The following ASAH2 variants were observed in gnomAD, a reference collection of about 807,000 sequenced individuals.
The protein encoded by ASAH2 is N-acylsphingosine amidohydrolase 2.
In ASAH2, 58 loss-of-function variants were observed where a neutral mutation model predicts 82.9. The ratio of observed to expected loss-of-function variants is 0.70; its 90% CI spans 0.57 to 0.87. The LOEUF is 0.87. Ranked by LOEUF, ASAH2 falls within the 40% of genes least tolerant of loss-of-function variation. ASAH2 has a pLI of 0.00. For missense variants in ASAH2, 779 were observed against 834.0 expected, an observed-to-expected ratio of 0.93 and a Z score of 0.81; for synonymous variants, 276 against 289.7, an observed-to-expected ratio of 0.95 and a Z score of 0.48.
At chr10:50,234,881 T>A (rs1053922791) in intron 5 of ASAH2, among the ~76,000 whole-genome samples, 1 of 152,142 alleles carries the variant, frequency 6.6e-6, no homozygotes, top group Non-Finnish European at 1.5e-5. Context: ...AATGGGAGAC[T>A]TGACTCCTAC....
At chr10:50,195,299 A>C (rs1844948379) in intron 18 of ASAH2, among the ~76,000 whole-genome samples, 1 of 151,484 alleles carries the variant, frequency 6.6e-6, no homozygotes, top group African/African-American at 2.4e-5. Context: ...TTAAATGTTC[A>C]ATATCAGTGA....
intron 17 of ASAH2, 52 bp downstream of exon 17, chr10:50,198,999 C>G (rs1845066407): frequency 3.5e-6 from 5 of 1,426,068 alleles, no homozygotes; most frequent in East Asian, 2.9e-5. Flanking sequence ...CATACACACA[C>G]ACACACACAC....
chr10:50,245,274 T>C lies in ASAH2; in HGVS notation c.308A>G (p.His103Arg). The C allele has an allele frequency of 6.2e-7, 1 of 1,614,006 alleles. No individual in the cohort carries two copies. Among genetic ancestry groups the C allele is most frequent in the East Asian group, 2.2e-5 (1 of 44,902 alleles). ...GCAGTCAGCTCGTCCAACACCAATA[T>C]GGTAGCCACTGAAGTTCTGAAATAG... ...SPLFQNFSGY[H>R]IGVGRADCTG... Residue 103 changes from histidine to arginine, a missense_variant, in exon 3 of 21, where the codon CAT becomes CGT. By Grantham distance (29) the His-to-Arg change is conservative (BLOSUM62 0). Transcript: ENST00000682911.
rs1434090144 is a variant in ASAH2, at chr10:50,187,128, A to C, written c.*187T>G. ...CTCTCTCTCTCTCTCTCACACACAC[A>C]CACACACACACACACACACACACAC... On this transcript the variant is annotated 3_prime_UTR_variant, in exon 21 of 21. Coordinates refer to ENST00000682911, the MANE Select transcript of ASAH2 (RefSeq NM_019893.4). 5.9e-6 allele frequency: 1 copy of C among 169,452 alleles called. No individual in the cohort carries two copies. Among genetic ancestry groups the C allele is most frequent in the Non-Finnish European group, 1.3e-5 (1 of 79,896 alleles). The allele number at this position is 169,452 out of a possible 1,614,324, so 10.5% of individuals were successfully genotyped here.
intron 1 of ASAH2, among the ~76,000 whole-genome samples, chr10:50,250,852 C>T (rs1481216873): frequency 6.6e-6 from 1 of 152,182 alleles, no homozygotes; most frequent in Non-Finnish European, 1.5e-5. Context: ...ATTAGTGTTT[C>T]CACCTATTAC....
chr10:50,245,657 C>A (rs7091001), intron 2 of ASAH2, among the ~76,000 whole-genome samples: 33,268 of 152,026 alleles, frequency 0.22, 5,568 homozygotes, highest in African/African-American at 0.45. Context: ...TTCAGACTAA[C>A]AATCAAGGCC....
At chr10:50,197,346 C>A (rs1177425488) in intron 17 of ASAH2, among the ~76,000 whole-genome samples, 1 of 151,308 alleles carries the variant, frequency 6.6e-6, no homozygotes, top group Admixed American at 6.6e-5. Context: ...TTCCTAGATT[C>A]TTGTCTGTGC....
Position 50,187,099 on chromosome 10 carries a change from C to CTT in ASAH2, c.*215_*216insAA, listed in dbSNP as rs1844765696. 9.5e-6 allele frequency: 3 copies of CTT among 314,456 alleles called. No homozygotes were observed. In the East Asian group the frequency reaches 1.8e-4, roughly 19 times the overall value. The allele number at this position is 314,456 out of a possible 1,614,324, so 19.5% of individuals were successfully genotyped here. On this transcript the variant is annotated 3_prime_UTR_variant, in exon 21 of 21. Coordinates refer to ENST00000682911, the MANE Select transcript of ASAH2 (RefSeq NM_019893.4). ...ATGGGACAAACCTCTCTCTCTCTCT[C>CTT]TCTCTCTCTCTCTCTCTCTCACACA...
At chr10:50,229,128 C>T (rs1442471122) in intron 7 of ASAH2, among the ~76,000 whole-genome samples, 1 of 151,870 alleles carries the variant, frequency 6.6e-6, no homozygotes, top group African/African-American at 2.4e-5. Context: ...TTGCTTTCTC[C>T]CTTCATGTTT....
At chr10:50,251,317 C>A (rs1846607590) in intron 1 of ASAH2, among the ~76,000 whole-genome samples, 78 bp downstream of exon 1, 1 of 150,252 alleles carries the variant, frequency 6.7e-6, no homozygotes, top group African/African-American at 2.4e-5. Flanking sequence ...TTTAGGGTCT[C>A]TTCAAGATCT....
intron 4 of ASAH2, among the ~76,000 whole-genome samples, chr10:50,241,080 G>C (rs73320289): frequency 6.6e-6 from 1 of 152,156 alleles, no homozygotes; most frequent in Admixed American, 6.5e-5. Context: ...AGGATAGGAA[G>C]AGTGAGGAAC....
intron 16 of ASAH2, among the ~76,000 whole-genome samples, chr10:50,200,593 C>A (rs1201940573): frequency 9.9e-5 from 15 of 152,020 alleles, no homozygotes; most frequent in Admixed American, 5.9e-4. Context: ...ATTTTTATAA[C>A]ACCTTGTGCA....
At chr10:50,226,980 A>T (rs1276557622) in intron 7 of ASAH2, among the ~76,000 whole-genome samples, 1 of 152,182 alleles carries the variant, frequency 6.6e-6, no homozygotes, top group Non-Finnish European at 1.5e-5. Context: ...AATAGCTATC[A>T]ATCCAAAAAA....
chr10:50,237,296 A>G (rs1426310670), intron 4 of ASAH2, among the ~76,000 whole-genome samples: 2 of 152,168 alleles, frequency 1.3e-5, no homozygotes, highest in East Asian at 3.8e-4. Flanking sequence ...GAGAAGCCTA[A>G]GTGGATAGGA....
In ASAH2 at chr10:50,234,655, T is replaced by A. The variant is rs2067904461; in HGVS notation, c.688-103A>T. On this transcript the variant is annotated intron_variant, in intron 5 of 20. Transcript: ENST00000682911. ...AGAGCCCTGTGAACAATTTCCTTTG[T>A]CTCTAATGGGTCCACATTACGGGAT... 2.7e-6 allele frequency: 4 copies of A among 1,499,138 alleles called. No individual in the cohort carries two copies. In the South Asian group the frequency reaches 4.6e-5, roughly 17 times the overall value. 92.9% of individuals were successfully genotyped at this position (1,499,138 alleles called of 1,614,324 possible).
intron 14 of ASAH2, 85 bp from the exon 15 acceptor site, chr10:50,203,764 A>G: frequency 8.8e-7 from 1 of 1,138,434 alleles, no homozygotes; most frequent in Non-Finnish European, 1.3e-6. Flanking sequence ...AAGCCAAAAA[A>G]TTACCCTGGC....
chr10:50,200,103 C>T (rs1845100171), intron 16 of ASAH2, among the ~76,000 whole-genome samples: 1 of 151,858 alleles, frequency 6.6e-6, no homozygotes, highest in African/African-American at 2.4e-5. Flanking sequence ...TGTGCATGTT[C>T]ATGTCTTGCC....
rs1370881909 is a variant in ASAH2 at position 50,187,118 on chromosome 10, T to TCTCTCA, written c.*196_*197insTGAGAG. 182 of 157,406 alleles carry TCTCTCA rather than the reference T, an allele frequency of 1.2e-3. 2 individuals carry two copies. The highest frequency in any genetic ancestry group is 7.8e-3 in the African/African-American group (145 of 18,530). 9.8% of individuals were successfully genotyped at this position (157,406 alleles called of 1,614,324 possible). A position where few individuals can be genotyped will look rare whatever the true frequency, so the allele number is the denominator to read the frequency against. On this transcript the variant is annotated 3_prime_UTR_variant, in exon 21 of 21. Transcript: ENST00000682911. Reference sequence around the variant, plus strand: ...CTCTCTCTCTCTCTCTCTCTCTCTCTCACACACACACACACACACACACAC... The same window carrying TCTCTCA: ...CTCTCTCTCTCTCTCTCTCTCTCTCTCTCTCACACACACACACACACACACACACAC...
intron 1 of ASAH2, among the ~76,000 whole-genome samples, chr10:50,249,882 C>T (rs1469634750): frequency 6.6e-6 from 1 of 152,014 alleles, no homozygotes; most frequent in Admixed American, 6.6e-5. Context: ...GTATTGGAAT[C>T]CCAGGATTTG....
Sources: gnomAD v4.1 joint callset for allele counts (sites outside exome capture counted in the v4.1 genomes callset) on GRCh38, gnomAD v4.1.1 for gene constraint, MANE v1.5 for transcripts, NCBI Gene and HGNC (gene_info 2026-07-23, HGNC 2026-07-21) for gene names.